The following HS3ST4 variants were observed in gnomAD, a reference collection of about 807,000 sequenced individuals.
The protein encoded by HS3ST4 is heparan sulfate glucosamine 3-O-sulfotransferase 4.
HS3ST4 carries 17 observed loss-of-function variants against 29.2 expected under a neutral mutation model. That is an observed-to-expected ratio of 0.58 (90% CI 0.40 to 0.87). The LOEUF is 0.87. Among genes scored for constraint, HS3ST4 ranks in the 40% least tolerant of loss-of-function variants. HS3ST4 has a pLI of 0.00. For missense variants in HS3ST4, 627 were observed against 634.5 expected, an observed-to-expected ratio of 0.99 and a Z score of 0.13; for synonymous variants, 314 against 285.7, an observed-to-expected ratio of 1.10 and a Z score of -1.00.
At chr16:25,952,366 G>T (rs891745428) in intron 1 of HS3ST4, among the ~76,000 whole-genome samples, 1 of 152,136 alleles carries the variant, frequency 6.6e-6, no homozygotes, top group South Asian at 2.1e-4. Flanking sequence ...GATATAGGGG[G>T]GTATGCAGTC....
chr16:26,035,526 G>C (rs373667522), intron 1 of HS3ST4, among the ~76,000 whole-genome samples: 165 of 152,296 alleles, frequency 1.1e-3, no homozygotes, highest in African/African-American at 3.8e-3. Context: ...CCATTCTTTT[G>C]CACAAAGCAC....
At chr16:25,917,098 A>T (rs1218553755) in intron 1 of HS3ST4, among the ~76,000 whole-genome samples, 5 of 152,106 alleles carry the variant, frequency 3.3e-5, no homozygotes, top group African/African-American at 1.2e-4. Context: ...AAGAAGTAAC[A>T]ATTTCTCTAT....
intron 1 of HS3ST4, among the ~76,000 whole-genome samples, chr16:25,857,919 CCTTTCTTT>C (rs1269887450): frequency 3.0e-3 from 173 of 58,090 alleles, no homozygotes; most frequent in African/African-American, 4.8e-3. Flanking sequence ...TTCCTTCCTT[CCTTTCTTT>C]CTTTCTTTCT....
chr16:25,957,483 T>A (rs534827366), intron 1 of HS3ST4, among the ~76,000 whole-genome samples: 2 of 152,204 alleles, frequency 1.3e-5, no homozygotes, highest in East Asian at 3.9e-4. Context: ...AATGGCGCGA[T>A]CTCCACTCAC....
At chr16:25,751,431 C>T (rs1281656233) in intron 1 of HS3ST4, among the ~76,000 whole-genome samples, 2 of 152,150 alleles carry the variant, frequency 1.3e-5, no homozygotes, top group Non-Finnish European at 2.9e-5. Flanking sequence ...ATTTGACTCA[C>T]AGAATGTCAG....
intron 1 of HS3ST4, among the ~76,000 whole-genome samples, chr16:26,004,514 A>G (rs1027922893): frequency 1.3e-5 from 2 of 152,210 alleles, no homozygotes; most frequent in Non-Finnish European, 2.9e-5. Context: ...GAAAAACATA[A>G]CACAAGAAGC....
At chr16:25,938,383 A>G (rs924000851) in intron 1 of HS3ST4, among the ~76,000 whole-genome samples, 3 of 152,098 alleles carry the variant, frequency 2.0e-5, no homozygotes, top group African/African-American at 7.2e-5. Flanking sequence ...AGTTACATAT[A>G]TTTCATTGTC....
intron 1 of HS3ST4, among the ~76,000 whole-genome samples, chr16:26,127,569 A>G (rs1280088308): frequency 6.6e-6 from 1 of 152,162 alleles, no homozygotes; most frequent in Non-Finnish European, 1.5e-5. Flanking sequence ...CTCTAGTTCC[A>G]TTCTGGATCT....
At chr16:26,049,611 G>A (rs1213813714) in intron 1 of HS3ST4, among the ~76,000 whole-genome samples, 1 of 151,998 alleles carries the variant, frequency 6.6e-6, no homozygotes, top group Non-Finnish European at 1.5e-5. Flanking sequence ...CACCAAGCAA[G>A]CAAGCAAGCA....
At chr16:26,086,470 C>T (rs1898789075) in intron 1 of HS3ST4, among the ~76,000 whole-genome samples, 1 of 152,100 alleles carries the variant, frequency 6.6e-6, no homozygotes, top group Non-Finnish European at 1.5e-5. Context: ...CTGCCTCAGC[C>T]TCCCGAGTAG....
chr16:25,953,556 G>A (rs893139162), intron 1 of HS3ST4, among the ~76,000 whole-genome samples: 104 of 152,266 alleles, frequency 6.8e-4, no homozygotes, highest in African/African-American at 2.3e-3. Flanking sequence ...AAAGGGAGGG[G>A]ACCCACCCCT....
At position 26,136,593 on chromosome 16, in the gene HS3ST4, C is replaced by CA. The variant is rs1567320937; in HGVS notation, c.*351dup. 3.7e-6 allele frequency: 1 copy of CA among 271,938 alleles called. No individual in the cohort carries two copies. The highest frequency in any genetic ancestry group is 7.0e-6 in the Non-Finnish European group (1 of 143,546). 16.8% of individuals were successfully genotyped at this position (271,938 alleles called of 1,614,324 possible). A position where few individuals can be genotyped will look rare whatever the true frequency, so the allele number is the denominator to read the frequency against. Reference sequence around the variant, plus strand: ...GTGCTATTAATGTATATGTGAGCGACAAAAAAGGTCTGCTTTATAGGGGTT... The same window carrying CA: ...GTGCTATTAATGTATATGTGAGCGACAAAAAAAGGTCTGCTTTATAGGGGTT... On this transcript the variant is annotated 3_prime_UTR_variant, in exon 2 of 2. Coordinates refer to ENST00000331351, the MANE Select transcript of HS3ST4 (RefSeq NM_006040.3).
At chr16:25,733,043 A>G (rs1253285257) in intron 1 of HS3ST4, among the ~76,000 whole-genome samples, 1 of 152,220 alleles carries the variant, frequency 6.6e-6, no homozygotes, top group Non-Finnish European at 1.5e-5. Context: ...TGCCTTCCAA[A>G]GAAGACCATC....
intron 1 of HS3ST4, among the ~76,000 whole-genome samples, chr16:25,698,995 G>C (rs1966317547): frequency 6.6e-6 from 1 of 152,200 alleles, no homozygotes; most frequent in African/African-American, 2.4e-5. Flanking sequence ...CTTCCACTGT[G>C]TAAGAGAAAC....
intron 1 of HS3ST4, among the ~76,000 whole-genome samples, chr16:25,783,190 T>G (rs1966854250): frequency 6.6e-6 from 1 of 152,210 alleles, no homozygotes; most frequent in South Asian, 2.1e-4. Context: ...AAGCAGTCTA[T>G]TCAATTTTCC....
chr16:25,842,711 G>A (rs529148804), intron 1 of HS3ST4, among the ~76,000 whole-genome samples: 3 of 152,284 alleles, frequency 2.0e-5, no homozygotes, highest in African/African-American at 7.2e-5. Context: ...TTGAACTCAA[G>A]AGGCTTAGTA....
At chr16:25,873,540 T>C (rs115799036) in intron 1 of HS3ST4, among the ~76,000 whole-genome samples, 41,732 of 137,356 alleles carry the variant, frequency 0.3, 6,591 homozygotes, top group East Asian at 0.43. Context: ...CTATCTATCT[T>C]TCTCTATCTA....
At chr16:26,064,532 A>G (rs932834145) in intron 1 of HS3ST4, among the ~76,000 whole-genome samples, 2 of 151,792 alleles carry the variant, frequency 1.3e-5, no homozygotes, top group Non-Finnish European at 2.9e-5. Context: ...GAAGTCAGCC[A>G]GAGTAGTTCA....
intron 1 of HS3ST4, among the ~76,000 whole-genome samples, chr16:25,858,781 G>A (rs1031934855): frequency 6.6e-6 from 1 of 151,788 alleles, no homozygotes; most frequent in African/African-American, 2.4e-5. Flanking sequence ...AAAATTAGTG[G>A]TATAAATTTT....
Sources: gnomAD v4.1 joint callset for allele counts (sites outside exome capture counted in the v4.1 genomes callset) on GRCh38, gnomAD v4.1.1 for gene constraint, MANE v1.5 for transcripts, NCBI Gene and HGNC (gene_info 2026-07-23, HGNC 2026-07-21) for gene names.